WWOX: variants seen among roughly 807,000 people sequenced by gnomAD.
WWOX encodes WW domain-containing oxidoreductase.
A neutral mutation model predicts 46.2 loss-of-function variants in WWOX; 69 were observed. The ratio of observed to expected loss-of-function variants is 1.49; its 90% confidence interval spans 1.23 to 1.82. WWOX has a LOEUF of 1.82. WWOX is among the 40% of genes most tolerant of loss of function. The probability of loss-of-function intolerance (pLI) is 0.00; values close to 1 mark genes in which losing one functional copy is unlikely to be tolerated. For missense variants in WWOX, 919 were observed against 542.6 expected, an observed-to-expected ratio of 1.69 and a Z score of -6.89; for synonymous variants, 359 against 202.6, an observed-to-expected ratio of 1.77 and a Z score of -6.56.
At chr16:78,841,489 A>T (rs1437863944) in intron 8 of WWOX, among the ~76,000 whole-genome samples, 1 of 152,222 alleles carries the variant, frequency 6.6e-6, no homozygotes, top group African/African-American at 2.4e-5. Flanking sequence ...GGAAAGTGGC[A>T]AATGCTACTA....
At chr16:79,137,235 G>C (rs530620301) in intron 8 of WWOX, among the ~76,000 whole-genome samples, 1 of 152,116 alleles carries the variant, frequency 6.6e-6, no homozygotes, top group Non-Finnish European at 1.5e-5. Flanking sequence ...CTATTTCCTC[G>C]ATAGACCTTA....
intron 8 of WWOX, among the ~76,000 whole-genome samples, chr16:78,451,433 G>C (rs58566873): frequency 3.0e-4 from 45 of 152,250 alleles, no homozygotes; most frequent in African/African-American, 1.1e-3. Flanking sequence ...GAGCATATTT[G>C]GCTGAGTTTG....
chr16:78,934,280 G>T lies in WWOX; in HGVS notation c.1057-277328G>T, dbSNP rs574570397. ...GTGAACCCAGGAGGCGGATCTTGCA[G>T]TGAGCCGAGATCGCACCACTGCACT... On this transcript the variant is annotated intron_variant, in intron 8 of 8. Coordinates refer to ENST00000566780, the MANE Select transcript of WWOX (RefSeq NM_016373.4). Among the ~76,000 whole-genome samples the T allele has an allele frequency of 2.8e-5, 4 of 143,114 alleles. No homozygotes were observed. In the East Asian group the frequency reaches 9.0e-4, roughly 32 times the overall value. 93.9% of individuals were successfully genotyped at this position (143,114 alleles called of 152,430 possible).
At chr16:78,535,662 C>A (rs1407351926) in intron 8 of WWOX, 1 of 152,230 alleles carries the variant, frequency 6.6e-6, no homozygotes, top group Admixed American at 6.5e-5. Flanking sequence ...TTTAAACAAT[C>A]TCTTCCCTGT....
At chr16:78,548,311 G>T (rs960852807) in intron 8 of WWOX, among the ~76,000 whole-genome samples, 2 of 150,826 alleles carry the variant, frequency 1.3e-5, no homozygotes, top group African/African-American at 2.4e-5. Context: ...GCATTCAACA[G>T]TCATGTATTT....
chr16:78,998,435 C>G (rs559901295), intron 8 of WWOX, among the ~76,000 whole-genome samples: 3 of 152,234 alleles, frequency 2.0e-5, no homozygotes, highest in Non-Finnish European at 4.4e-5. Context: ...GTAGAAGGAA[C>G]TTGGAAGACA....
intron 8 of WWOX, among the ~76,000 whole-genome samples, chr16:78,509,601 G>A (rs760414860): frequency 1.3e-5 from 2 of 152,164 alleles, no homozygotes; most frequent in African/African-American, 2.4e-5. Context: ...ATGCTTCCCA[G>A]CCCTGCATTC....
chr16:78,497,863 AAAATT>A (rs2084954892), intron 8 of WWOX, among the ~76,000 whole-genome samples: 1 of 63,732 alleles, frequency 1.6e-5, no homozygotes, highest in Admixed American at 2.6e-4. Flanking sequence ...GAATTATAAA[AAAATT>A]AAAAAAGCCC....
chr16:79,174,978 T>C (rs945309805), intron 8 of WWOX, among the ~76,000 whole-genome samples: 1 of 152,220 alleles, frequency 6.6e-6, no homozygotes, highest in African/African-American at 2.4e-5. Context: ...GTGTCTTATA[T>C]CAACATGCAC....
intron 8 of WWOX, among the ~76,000 whole-genome samples, chr16:78,629,317 T>C (rs1003556191): frequency 1.3e-5 from 2 of 151,470 alleles, no homozygotes; most frequent in East Asian, 3.9e-4. Flanking sequence ...AGGAGCACAC[T>C]TGATAGCAAT....
intron 5 of WWOX, among the ~76,000 whole-genome samples, chr16:78,351,698 C>T (rs1046886872): frequency 6.6e-5 from 10 of 152,156 alleles, no homozygotes; most frequent in African/African-American, 7.2e-5. Context: ...GGTCTCTTGC[C>T]CAGGCTGGAA....
At chr16:78,319,172 G>A (rs1198814897) in intron 5 of WWOX, among the ~76,000 whole-genome samples, 1 of 152,108 alleles carries the variant, frequency 6.6e-6, no homozygotes, top group Non-Finnish European at 1.5e-5. Flanking sequence ...AAAATGGAGG[G>A]AGGCGGGCAT....
At chr16:78,795,207 G>T (rs535376425) in intron 8 of WWOX, among the ~76,000 whole-genome samples, 7 of 152,204 alleles carry the variant, frequency 4.6e-5, no homozygotes, top group Admixed American at 3.9e-4. Flanking sequence ...TGCTTTGCGG[G>T]CATTATGTTA....
chr16:79,028,607 T>C (rs8055577), intron 8 of WWOX, among the ~76,000 whole-genome samples: 2,391 of 151,674 alleles, frequency 0.016, 143 homozygotes, highest in African/African-American at 0.056. Context: ...AATTTTCTGA[T>C]ACTTTTTTCC....
At chr16:78,443,392 G>C (rs555301399) in intron 8 of WWOX, among the ~76,000 whole-genome samples, 1 of 152,236 alleles carries the variant, frequency 6.6e-6, no homozygotes, top group African/African-American at 2.4e-5. Context: ...AACTCAGCAG[G>C]CTTCCACAGT....
chr16:78,383,037 C>T (rs536732373), intron 5 of WWOX, among the ~76,000 whole-genome samples: 1 of 150,538 alleles, frequency 6.6e-6, no homozygotes, highest in East Asian at 2.0e-4. Flanking sequence ...GTGATATGCT[C>T]TTGTAAACAA....
intron 4 of WWOX, among the ~76,000 whole-genome samples, chr16:78,147,203 G>A (rs2034228328): frequency 1.3e-5 from 2 of 152,034 alleles, no homozygotes; most frequent in African/African-American, 4.8e-5. Context: ...ACAAGGTAAG[G>A]ATTATCCTTT....
At chr16:78,519,931 C>A (rs948930496) in intron 8 of WWOX, among the ~76,000 whole-genome samples, 1 of 152,148 alleles carries the variant, frequency 6.6e-6, no homozygotes, top group Non-Finnish European at 1.5e-5. Flanking sequence ...TTTTGAGATT[C>A]TTTTTTCAGT....
intron 8 of WWOX, among the ~76,000 whole-genome samples, chr16:78,806,410 CTG>C (rs2051039184): frequency 6.6e-6 from 1 of 152,168 alleles, no homozygotes; most frequent in Non-Finnish European, 1.5e-5. Flanking sequence ...GTTCAGGAAT[CTG>C]TAGTTTCAGC....
Sources: allele counts gnomAD v4.1 joint callset (sites outside exome capture counted in the v4.1 genomes callset), GRCh38; gene constraint gnomAD v4.1.1; transcripts MANE v1.5; gene names NCBI Gene and HGNC (gene_info 2026-07-23, HGNC 2026-07-21).